The following PCDHGB7 variants were observed in gnomAD, a reference collection of about 807,000 sequenced individuals.
The protein encoded by PCDHGB7 is protocadherin gamma subfamily B, 7, also known as protocadherin gamma-B7.
Under a neutral mutation model 61.4 loss-of-function variants are expected in PCDHGB7, and 37 were observed. That is an observed-to-expected ratio of 0.60 (90% confidence interval 0.46 to 0.79). The LOEUF is 0.79. Ranked by LOEUF, PCDHGB7 falls within the 30% of genes least tolerant of loss-of-function variation. The pLI is 0.00. For synonymous variants in PCDHGB7, 464 were observed against 503.5 expected (o/e 0.92, Z 1.05); for missense variants, 1,166 against 1,202.5 (o/e 0.97, Z 0.45).
At chr5:141,465,826 T>A (rs1402342209) in intron 1 of PCDHGB7, among the ~76,000 whole-genome samples, 1 of 151,994 alleles carries the variant, frequency 6.6e-6, no homozygotes, top group Non-Finnish European at 1.5e-5. Context: ...CACATTTGTT[T>A]AAAATTTCAA....
Position 141,489,533 on chromosome 5 carries a change from C to G in PCDHGB7, c.2416-5274C>G, listed in dbSNP as rs754586925. The G allele has an allele frequency of 6.2e-7, 1 of 1,614,086 alleles. No individual in the cohort carries two copies. The highest frequency in any genetic ancestry group is 1.7e-5 in the Admixed American group (1 of 60,030). ...ATTGACCGAGAAAGCCTATGTGGAG[C>G]CAGCACCAGCTGCCTGCTGCCAGTG... On this transcript the variant is annotated intron_variant, in intron 1 of 3. Coordinates refer to ENST00000398594, the MANE Select transcript of PCDHGB7 (RefSeq NM_018927.4). The surrounding 1 kb of genome is among the most constrained non-coding windows in gnomAD (Gnocchi z 4.5).
At chr5:141,436,214 A>G (rs1242199916) in intron 1 of PCDHGB7, among the ~76,000 whole-genome samples, 5 of 152,160 alleles carry the variant, frequency 3.3e-5, no homozygotes, top group African/African-American at 7.2e-5. Context: ...AGGAAAACAA[A>G]TGACTTGGGA....
intron 1 of PCDHGB7, among the ~76,000 whole-genome samples, chr5:141,456,985 A>C (rs2098902590): frequency 6.6e-6 from 1 of 152,204 alleles, no homozygotes; most frequent in Non-Finnish European, 1.5e-5. Context: ...ACAAACAAAC[A>C]AACAAAAACT....
intron 1 of PCDHGB7, among the ~76,000 whole-genome samples, chr5:141,457,687 G>A (rs2098927754): frequency 6.6e-6 from 1 of 152,198 alleles, no homozygotes; most frequent in Admixed American, 6.5e-5. Context: ...TAGGACTTTT[G>A]GATTGGCTTT....
At chr5:141,472,980 C>CAAAAAAAAAAAAAAAAAAAAAAAA (rs60579131) in intron 1 of PCDHGB7, among the ~76,000 whole-genome samples, 7 of 86,078 alleles carry the variant, frequency 8.1e-5, no homozygotes, top group African/African-American at 1.9e-4. Context: ...GAGTGAAACT[C>CAAAAAAAAAAAAAAAAAAAAAAAA]AAAAAAAAAA....
In PCDHGB7 at chr5:141,477,650, A is replaced by G. The variant is rs199931735; in HGVS notation, c.2416-17157A>G. ...CGGGCTAGTGGGTCGCTATTTCACA[A>G]TAAATCGTGACAATGGCATAGTGTC... On this transcript the variant is annotated intron_variant, in intron 1 of 3. Transcript: ENST00000398594. This position sits in a 1 kb window ranked among gnomAD's most constrained non-coding sequence, Gnocchi z 4.9. The G allele has an allele frequency of 6.2e-6, 10 of 1,614,212 alleles. No individual in the cohort carries two copies. The highest frequency in any genetic ancestry group is 2.2e-5 in the East Asian group (1 of 44,888).
Position 141,489,384 on chromosome 5 carries a change from T to C in PCDHGB7, c.2416-5423T>C, listed in dbSNP as rs2099686499. The stretch of plus-strand genomic sequence containing the variant: ...AGCCGGGGACGCTGGTGGGGAATGT[T>C]GCTCAGGATCTGGGCTTAAAGATGA... On this transcript the variant is annotated intron_variant, in intron 1 of 3. Transcript: ENST00000398594. The surrounding 1 kb of genome is among the most constrained non-coding windows in gnomAD (Gnocchi z 4.5). 1 of 1,613,986 alleles carries C rather than the reference T, an allele frequency of 6.2e-7. No individual in the cohort carries two copies. The highest frequency in any genetic ancestry group is 8.5e-7 in the Non-Finnish European group (1 of 1,179,842).
chr5:141,422,691 C>A, intron 1 of PCDHGB7: 1 of 1,603,878 alleles, frequency 6.2e-7, no homozygotes, highest in Non-Finnish European at 8.5e-7. Flanking sequence ...ATGCCCTGGT[C>A]ACTTACTCTC....
intron 2 of PCDHGB7, among the ~76,000 whole-genome samples, chr5:141,499,675 T>A (rs1426498530): frequency 2.0e-5 from 3 of 150,746 alleles, no homozygotes; most frequent in African/African-American, 7.3e-5. Flanking sequence ...GTCTCCACCA[T>A]CTTTAACAGA....
At chr5:141,504,594 C>T (rs2099839378) in intron 2 of PCDHGB7, among the ~76,000 whole-genome samples, 2 of 140,288 alleles carry the variant, frequency 1.4e-5, no homozygotes, top group South Asian at 4.4e-4. Context: ...GGATTCACAG[C>T]AAGAGGGAAC....
intron 1 of PCDHGB7, among the ~76,000 whole-genome samples, chr5:141,443,727 A>T: frequency 6.6e-6 from 1 of 152,220 alleles, no homozygotes; most frequent in Non-Finnish European, 1.5e-5. Context: ...AATTCCTCAT[A>T]CATTTCCCTA....
intron 1 of PCDHGB7, among the ~76,000 whole-genome samples, chr5:141,433,940 T>C (rs1315031506): frequency 6.6e-6 from 1 of 152,192 alleles, no homozygotes; most frequent in African/African-American, 2.4e-5. Flanking sequence ...TATAATTCCA[T>C]TGTTTCTTCT....
Position 141,419,137 on chromosome 5 carries a change from C to G in PCDHGB7, c.1278C>G (p.Asp426Glu). 2 of 1,613,892 alleles carry G rather than the reference C, an allele frequency of 1.2e-6. No homozygotes were observed. The highest frequency in any genetic ancestry group is 1.7e-6 in the Non-Finnish European group (2 of 1,179,878). ...PEYNVTIAAT[D>E]RGKPPLSSSK... ...ACAACGTCACCATCGCAGCCACAGA[C>G]AGGGGCAAGCCTCCGTTATCCTCCA... Residue 426 changes from aspartate (D) to glutamate (E), a missense_variant, in exon 1 of 4, where the codon GAC becomes GAG. By Grantham distance (45) the Asp-to-Glu change is conservative. Coordinates refer to ENST00000398594, the MANE Select transcript of PCDHGB7 (RefSeq NM_018927.4).
In PCDHGB7 at chr5:141,431,482, G is replaced by C. The variant is rs781371030; in HGVS notation, c.2415+11208G>C. ...TGGATGCGAACGACAACGCACCAGCGTTTGCTCAGCCCGAGTACCGCGCGA... is the reference window on the plus strand; with the variant it reads ...TGGATGCGAACGACAACGCACCAGCCTTTGCTCAGCCCGAGTACCGCGCGA... On this transcript the variant is annotated intron_variant, in intron 1 of 3. Coordinates refer to ENST00000398594, the MANE Select transcript of PCDHGB7 (RefSeq NM_018927.4). The surrounding 1 kb of genome is among the most constrained non-coding windows in gnomAD (Gnocchi z 4.8). The C allele has an allele frequency of 6.8e-6, 11 of 1,613,800 alleles. No individual in the cohort carries two copies. The Admixed American group carries it at 1.3e-4, about 20-fold the overall frequency.
Position 141,496,980 on chromosome 5 carries a change from G to A in PCDHGB7, c.2474+2115G>A, listed in dbSNP as rs186715298. On this transcript the variant is annotated intron_variant, in intron 2 of 3. Coordinates refer to ENST00000398594, the MANE Select transcript of PCDHGB7 (RefSeq NM_018927.4). ...GTGGGTAGATCACTTGAGGTCAGGG[G>A]TTTGAGACCAGCCTGGCAGCCAACA... Among the ~76,000 whole-genome samples the A allele has an allele frequency of 1.6e-3, 236 of 152,074 alleles. 2 individuals are homozygous for A. Among genetic ancestry groups the A allele is most frequent in the South Asian group, 7.5e-3 (36 of 4,814 alleles).
chr5:141,490,243 G>A lies in PCDHGB7; in HGVS notation c.2416-4564G>A, dbSNP rs1431165990. 1 of 1,614,238 alleles carries A rather than the reference G, an allele frequency of 6.2e-7. No individual in the cohort carries two copies. The highest frequency in any genetic ancestry group is 8.5e-7 in the Non-Finnish European group (1 of 1,180,038). The stretch of plus-strand genomic sequence containing the variant: ...ACAGCCTGCCATGGAGGGCCACTGT[G>A]TGATTCAAGTGGATGTGGGGGATGT... On this transcript the variant is annotated intron_variant, in intron 1 of 3. Coordinates refer to ENST00000398594, the MANE Select transcript of PCDHGB7 (RefSeq NM_018927.4). This position sits in a 1 kb window ranked among gnomAD's most constrained non-coding sequence, Gnocchi z 5.4.
intron 1 of PCDHGB7, chr5:141,471,461 T>C (rs1409374601): frequency 6.6e-6 from 1 of 152,194 alleles, no homozygotes; most frequent in Non-Finnish European, 1.5e-5. Flanking sequence ...GAAAGATTAC[T>C]CAGGTCTCTG....
chr5:141,443,288 C>T (rs2098378643), intron 1 of PCDHGB7, among the ~76,000 whole-genome samples: 1 of 150,180 alleles, frequency 6.7e-6, no homozygotes, highest in Non-Finnish European at 1.5e-5. Context: ...TGAGACCAGC[C>T]TGGACAGCAT....
intron 1 of PCDHGB7, among the ~76,000 whole-genome samples, chr5:141,474,114 C>T (rs940809934): frequency 2.6e-5 from 4 of 152,224 alleles, no homozygotes; most frequent in South Asian, 2.1e-4. Context: ...ACAACAACAA[C>T]GAAAATCTCA....
Sources: allele counts gnomAD v4.1 joint callset (sites outside exome capture counted in the v4.1 genomes callset), GRCh38; gene constraint gnomAD v4.1.1; non-coding constraint Gnocchi (gnomAD v3.1); transcripts MANE v1.5; gene names NCBI Gene and HGNC (gene_info 2026-07-23, HGNC 2026-07-21).